Variants in PKHD1 observed in about 807,000 individuals in gnomAD.
The protein encoded by PKHD1 is fibrocystin.
In PKHD1, 291 loss-of-function variants were observed where a neutral mutation model predicts 412.0. The observed-to-expected ratio is 0.71, with a 90% CI of 0.64 to 0.78. The LOEUF (loss-of-function observed/expected upper bound fraction) is 0.78, where lower values mean the gene tolerates loss of function less well. PKHD1 is among the 30% of genes least tolerant of loss of function. The pLI is 0.00. For missense variants in PKHD1, 4,825 were observed against 4,950.7 expected (o/e 0.97, Z 0.76); for synonymous variants, 1,777 against 1,821.5 (o/e 0.98, Z 0.62).
chr6:51,863,047 T>C (rs987872302), intron 48 of PKHD1, among the ~76,000 whole-genome samples: 2 of 152,100 alleles, frequency 1.3e-5, no homozygotes, highest in Non-Finnish European at 2.9e-5. Flanking sequence ...CTTTAAAGAG[T>C]ACCTACTACA....
chr6:52,054,779 T>C (rs1430994859), intron 19 of PKHD1, among the ~76,000 whole-genome samples: 1 of 152,176 alleles, frequency 6.6e-6, no homozygotes, highest in African/African-American at 2.4e-5. Context: ...CAACGAAAAC[T>C]GTCTCCATAC....
intron 35 of PKHD1, 94 bp downstream of exon 35, chr6:52,010,215 T>C (rs1799627634): frequency 1.9e-6 from 2 of 1,053,464 alleles, no homozygotes; most frequent in African/African-American, 3.1e-5. Context: ...TATATATCGC[T>C]GCCATTTGGA....
At position 51,618,450 on chromosome 6, in the gene PKHD1, A is replaced by T. The variant is rs1205238102; in HGVS notation, c.*631T>A. 5 of 153,924 alleles carry T rather than the reference A, an allele frequency of 3.2e-5. No homozygotes were observed. Among genetic ancestry groups the T allele is most frequent in the Non-Finnish European group, 7.2e-5 (5 of 69,206 alleles). The allele number at this position is 153,924 out of a possible 1,614,324, so 9.5% of individuals were successfully genotyped here. The stretch of plus-strand genomic sequence containing the variant: ...ATGAGAATATCAATTTTCATGTGTA[A>T]ATCCTCATGAAGTGCAAATTTGATA... On this transcript the variant is annotated 3_prime_UTR_variant, in exon 67 of 67. Transcript: ENST00000371117.
chr6:52,011,232 A>T (rs572008502), intron 34 of PKHD1, among the ~76,000 whole-genome samples: 1 of 152,308 alleles, frequency 6.6e-6, no homozygotes, highest in East Asian at 1.9e-4. Context: ...AGAGGTGAGG[A>T]CATGGATAGT....
intron 35 of PKHD1, among the ~76,000 whole-genome samples, chr6:52,002,112 A>G (rs1798473332): frequency 6.6e-6 from 1 of 152,230 alleles, no homozygotes; most frequent in African/African-American, 2.4e-5. Flanking sequence ...ATAACAAGTA[A>G]GTAGAAGGAT....
chr6:52,072,368 T>G (rs944261871), intron 7 of PKHD1, among the ~76,000 whole-genome samples, 179 bp from the exon 8 acceptor site: 3 of 152,206 alleles, frequency 2.0e-5, no homozygotes, highest in African/African-American at 7.2e-5. Flanking sequence ...AGAGTAGGGA[T>G]GCACTCATGG....
intron 37 of PKHD1, among the ~76,000 whole-genome samples, chr6:51,926,807 A>G (rs1561900602): frequency 6.6e-6 from 1 of 152,178 alleles, no homozygotes; most frequent in Non-Finnish European, 1.5e-5. Flanking sequence ...TTTTTGAAGT[A>G]TTGTTAGACA....
At chr6:51,874,265 T>C (rs762164107) in intron 46 of PKHD1, among the ~76,000 whole-genome samples, 1 of 135,128 alleles carries the variant, frequency 7.4e-6, no homozygotes, top group Non-Finnish European at 1.6e-5. Flanking sequence ...GACCGTAATT[T>C]AAATTAAAAT....
Position 52,020,705 on chromosome 6 carries a change from T to C in PKHD1, c.5380+2096A>G, listed in dbSNP as rs150239936. Among the ~76,000 whole-genome samples, 67 of 152,316 alleles carry C rather than the reference T, an allele frequency of 4.4e-4. No individual in the cohort carries two copies. In the East Asian group the frequency reaches 0.012, roughly 27 times the overall value. On this transcript the variant is annotated intron_variant, in intron 33 of 66. Transcript: ENST00000371117. ...GAGCATCCATTAGGCAGAGGATGGATTTCTCTGAAAAGAGCAACTGCGAAA... is the reference window on the plus strand; with the variant it reads ...GAGCATCCATTAGGCAGAGGATGGACTTCTCTGAAAAGAGCAACTGCGAAA...
In PKHD1 at chr6:51,838,104, T is replaced by G. The variant is rs139235266; in HGVS notation, c.8108-1635A>C. Among the ~76,000 whole-genome samples, 3 of 152,364 alleles carry G rather than the reference T, an allele frequency of 2.0e-5. No individual in the cohort carries two copies. In the East Asian group the frequency reaches 5.8e-4, roughly 29 times the overall value. On this transcript the variant is annotated intron_variant, in intron 50 of 66. Transcript: ENST00000371117. The stretch of plus-strand genomic sequence containing the variant: ...ATCCACTTCTGTTCACGTTGATTTG[T>G]GCATTCTCTAAAGTTCTAAAGTACT...
At chr6:51,687,606 G>T (rs928103721) in intron 60 of PKHD1, among the ~76,000 whole-genome samples, 1 of 152,114 alleles carries the variant, frequency 6.6e-6, no homozygotes, top group Admixed American at 6.6e-5. Flanking sequence ...ACTTTAAAAG[G>T]CAGAAATAAG....
intron 55 of PKHD1, among the ~76,000 whole-genome samples, chr6:51,761,642 T>C (rs1055979667): frequency 3.3e-5 from 5 of 152,104 alleles, no homozygotes; most frequent in African/African-American, 1.2e-4. Flanking sequence ...ATGTTAATTA[T>C]GTAGATTTAG....
At chr6:52,021,922 T>C (rs1801454565) in intron 33 of PKHD1, among the ~76,000 whole-genome samples, 1 of 152,140 alleles carries the variant, frequency 6.6e-6, no homozygotes. Flanking sequence ...TGCAGACAAA[T>C]AAATTAGGAA....
At chr6:51,784,472 T>C (rs749573005) in intron 53 of PKHD1, among the ~76,000 whole-genome samples, 1 of 152,168 alleles carries the variant, frequency 6.6e-6, no homozygotes, top group Non-Finnish European at 1.5e-5. Context: ...AACATCACAG[T>C]TATGAATCTT....
rs565766468 is a variant in PKHD1 at position 52,067,835 on chromosome 6, T to C, written c.778+1622A>G. On this transcript the variant is annotated intron_variant, in intron 11 of 66. Coordinates refer to ENST00000371117, the MANE Select transcript of PKHD1 (RefSeq NM_138694.4). Reference sequence around the variant, plus strand: ...AGTTTGCCCCATTTCCAGTAGGGGATAGCAAGCCATAAGAGGATGGTGAAT... The same window carrying C: ...AGTTTGCCCCATTTCCAGTAGGGGACAGCAAGCCATAAGAGGATGGTGAAT... Among the ~76,000 whole-genome samples the C allele has an allele frequency of 2.6e-4, 40 of 152,212 alleles. No homozygotes were observed. In the South Asian group the frequency reaches 3.9e-3, roughly 15 times the overall value.
At chr6:51,936,004 C>T (rs1038447228) in intron 36 of PKHD1, among the ~76,000 whole-genome samples, 2 of 152,136 alleles carry the variant, frequency 1.3e-5, no homozygotes, top group East Asian at 3.8e-4. Context: ...CTTTGTAATA[C>T]TTGATATCAG....
chr6:52,084,639 A>G (rs1812495378), intron 2 of PKHD1, among the ~76,000 whole-genome samples: 1 of 152,258 alleles, frequency 6.6e-6, no homozygotes, highest in African/African-American at 2.4e-5. Flanking sequence ...ACATTTCAGT[A>G]TATAACCTCA....
At chr6:52,013,445 G>A (rs1800056141) in intron 34 of PKHD1, among the ~76,000 whole-genome samples, 1 of 152,086 alleles carries the variant, frequency 6.6e-6, no homozygotes, top group African/African-American at 2.4e-5. Flanking sequence ...AATTAGCTGA[G>A]ACACCAGGAT....
At chr6:51,982,791 C>A in intron 35 of PKHD1, among the ~76,000 whole-genome samples, 1 of 107,970 alleles carries the variant, frequency 9.3e-6, no homozygotes, top group South Asian at 2.9e-4. Flanking sequence ...GCGAGAAACA[C>A]CCAAGAATGA....
Sources: allele counts gnomAD v4.1 joint callset (sites outside exome capture counted in the v4.1 genomes callset), GRCh38; gene constraint gnomAD v4.1.1; transcripts MANE v1.5; gene names NCBI Gene and HGNC (gene_info 2026-07-23, HGNC 2026-07-21).